Variants in CORIN observed in about 807,000 individuals in gnomAD.
CORIN encodes the protein atrial natriuretic peptide-converting enzyme.
A neutral mutation model predicts 125.3 loss-of-function variants in CORIN; 117 were observed. That is an observed-to-expected ratio of 0.93 (90% CI 0.80 to 1.09). The LOEUF is 1.09. Among genes scored for constraint, CORIN ranks in the 50% least tolerant of loss-of-function variants. The pLI, the probability that CORIN is intolerant of heterozygous loss-of-function variation, is 0.00. For missense variants in CORIN, 1,253 were observed against 1,306.7 expected (o/e 0.96, Z 0.63); for synonymous variants, 450 against 466.4 (o/e 0.96, Z 0.45).
chr4:47,692,154 G>GA (rs1482676155), intron 6 of CORIN, among the ~76,000 whole-genome samples: 1 of 152,162 alleles, frequency 6.6e-6, no homozygotes, highest in Non-Finnish European at 1.5e-5. Flanking sequence ...CATAAGGAGT[G>GA]AAACACAGCT....
chr4:47,786,784 T>C lies in CORIN; in HGVS notation c.350A>G (p.His117Arg). ...AGCATCCGTAGTCCAGGCTGGAACGTGTTGGTCGGGATGTGCAGTAGACAC... is the reference window on the plus strand; with the variant it reads ...AGCATCCGTAGTCCAGGCTGGAACGCGTTGGTCGGGATGTGCAGTAGACAC... ...TVVSTAHPDQ[H>R]VPAWTTDASL... The change falls in exon 3 of 22, where the codon CAC (histidine) becomes CGC (arginine). Residue 117 changes from histidine to arginine, a missense_variant. Transcript: ENST00000273857. 6.2e-7 allele frequency: 1 copy of C among 1,614,160 alleles called. No homozygotes were observed. Among genetic ancestry groups the C allele is most frequent in the Non-Finnish European group, 8.5e-7 (1 of 1,180,018 alleles).
intron 2 of CORIN, among the ~76,000 whole-genome samples, chr4:47,799,666 C>T (rs368468144): frequency 3.3e-5 from 5 of 152,160 alleles, no homozygotes; most frequent in East Asian, 3.9e-4. Flanking sequence ...CGTGGGAAAA[C>T]CCCCACTTCC....
At chr4:47,673,556 A>T (rs1471797935) in intron 10 of CORIN, among the ~76,000 whole-genome samples, 3 of 151,990 alleles carry the variant, frequency 2.0e-5, no homozygotes, top group Non-Finnish European at 4.4e-5. Flanking sequence ...GTCGCTGGGG[A>T]TTTTCTGATT....
Position 47,763,448 on chromosome 4 carries a change from CA to C in CORIN, c.547del (p.Cys183AlafsTer48), listed in dbSNP as rs768271477. The C allele has an allele frequency of 5.6e-6, 9 of 1,614,094 alleles. No homozygotes were observed. The Admixed American group carries it at 1.5e-4, about 27-fold the overall frequency. On this transcript the variant is annotated frameshift_variant, in exon 4 of 22. Coordinates refer to ENST00000273857, the MANE Select transcript of CORIN (RefSeq NM_006587.4). LOFTEE classifies it high-confidence loss of function. ...KFFTYLHRLS[C>X]YQHIMLFGCT... is the part of the protein sequence containing the mutation. ...GCCAAACAGCATGATATGTTGATAGCAACTGAGGCGATGGAGATATGTGAAA... is the reference window on the plus strand; with the variant it reads ...GCCAAACAGCATGATATGTTGATAGCACTGAGGCGATGGAGATATGTGAAA...
At chr4:47,629,767 G>A (rs1295751021) in intron 16 of CORIN, among the ~76,000 whole-genome samples, 3 of 152,022 alleles carry the variant, frequency 2.0e-5, no homozygotes, top group Non-Finnish European at 2.9e-5. Flanking sequence ...ACAGCTAACA[G>A]GTGTTAACTG....
intron 1 of CORIN, among the ~76,000 whole-genome samples, chr4:47,807,618 A>G (rs1394570821): frequency 2.0e-5 from 3 of 152,206 alleles, no homozygotes; most frequent in Non-Finnish European, 2.9e-5. Flanking sequence ...CTGATTGCCA[A>G]TTAAACGCTA....
chr4:47,802,918 G>A (rs1351950826), intron 2 of CORIN, among the ~76,000 whole-genome samples: 1 of 152,194 alleles, frequency 6.6e-6, no homozygotes, highest in Non-Finnish European at 1.5e-5. Context: ...CAGGGAGAGA[G>A]AGAGACTCTG....
Position 47,624,060 on chromosome 4 carries a change from C to T in CORIN, c.2316-112G>A, listed in dbSNP as rs187348367. On this transcript the variant is annotated intron_variant, in intron 17 of 21. Coordinates refer to ENST00000273857, the MANE Select transcript of CORIN (RefSeq NM_006587.4). ...CTCCAACTGTTACCACCAGAAATCA[C>T]ATTCTCTGAGCATTTCCTGTGTTAC... is the stretch of plus-strand genomic sequence containing the variant. The T allele has an allele frequency of 9.3e-6, 8 of 864,244 alleles. No individual in the cohort carries two copies. The African/African-American group carries it at 1.4e-4, about 15-fold the overall frequency. 53.5% of individuals were successfully genotyped at this position (864,244 alleles called of 1,614,324 possible).
intron 1 of CORIN, among the ~76,000 whole-genome samples, chr4:47,829,030 C>T (rs1440107355): frequency 2.6e-5 from 4 of 151,642 alleles, no homozygotes; most frequent in South Asian, 2.1e-4. Context: ...TGGTGGTGGG[C>T]GCCTGTAGTC....
At chr4:47,734,927 C>A (rs781629248) in intron 5 of CORIN, among the ~76,000 whole-genome samples, 2 of 152,090 alleles carry the variant, frequency 1.3e-5, no homozygotes, top group Non-Finnish European at 2.9e-5. Flanking sequence ...TAGTGAAGAA[C>A]CAATGCGTTA....
chr4:47,821,950 G>A lies in CORIN; in HGVS notation c.64-14903C>T, dbSNP rs187385992. Among the ~76,000 whole-genome samples the A allele has an allele frequency of 4.5e-3, 685 of 152,236 alleles. 5 individuals are homozygous for A. Among genetic ancestry groups the A allele is most frequent in the African/African-American group, 0.015 (613 of 41,556 alleles). ...GGAAACACAATTAAGAATTGTGGAT[G>A]TGAATTAAGGGATTATAAATAATCC... On this transcript the variant is annotated intron_variant, in intron 1 of 21. Coordinates refer to ENST00000273857, the MANE Select transcript of CORIN (RefSeq NM_006587.4).
At chr4:47,626,560 A>G in intron 16 of CORIN, 39 bp from the exon 17 acceptor site, 4 of 1,258,514 alleles carry the variant, frequency 3.2e-6, no homozygotes, top group Non-Finnish European at 4.7e-6. Context: ...TTCAAAGTAC[A>G]ATGATCTTTG....
Position 47,683,711 on chromosome 4 carries a change from G to T in CORIN, c.1021+20C>A. ...TCTATGATTTTAAATTAAAACCTTTGGGGAAACAATGCTACTTACCACAGT... is the reference window on the plus strand; with the variant it reads ...TCTATGATTTTAAATTAAAACCTTTTGGGAAACAATGCTACTTACCACAGT... On this transcript the variant is annotated intron_variant, in intron 7 of 21. Transcript: ENST00000273857. 6.5e-7 allele frequency: 1 copy of T among 1,542,678 alleles called. No homozygotes were observed. Among genetic ancestry groups the T allele is most frequent in the South Asian group, 1.2e-5 (1 of 86,538 alleles).
chr4:47,657,573 G>C (rs1214481500), intron 12 of CORIN, among the ~76,000 whole-genome samples: 1 of 151,228 alleles, frequency 6.6e-6, no homozygotes, highest in African/African-American at 2.4e-5. Context: ...ATACCTGATA[G>C]TGCATAATTT....
rs1470611668 is a variant in CORIN, at chr4:47,837,908, G to A, written c.42C>T (p.Arg14=). ...TTACCGGCTTTGGGGACCCGGCTCT[G>A]CGGCAGCGCTCTTCCGGAGCGAGGG... ...SPALAPEERC[R]RAGSPKPVLR... is the part of the protein sequence containing the mutation. Residue 14 remains arginine (R), a synonymous_variant, in exon 1 of 22, where the codon CGC becomes CGT. Transcript: ENST00000273857. 1.2e-6 allele frequency: 2 copies of A among 1,613,684 alleles called. No homozygotes were observed. The highest frequency in any genetic ancestry group is 2.2e-5 in the East Asian group (1 of 44,878).
chr4:47,756,123 G>A (rs943720807), intron 4 of CORIN, among the ~76,000 whole-genome samples: 2 of 152,182 alleles, frequency 1.3e-5, no homozygotes, highest in African/African-American at 4.8e-5. Context: ...CCCTATTGAG[G>A]GTGATCAGAG....
chr4:47,764,739 T>A (rs1043604207), intron 3 of CORIN, among the ~76,000 whole-genome samples: 1 of 152,222 alleles, frequency 6.6e-6, no homozygotes, highest in Non-Finnish European at 1.5e-5. Context: ...GTTCTTGAGA[T>A]AATTCTTAAT....
rs577059838 is a variant in CORIN, at chr4:47,675,371, T to C, written c.1250-871A>G. ...TATAATTCTAAGATGATGTTTATTA[T>C]ACTGAAATATTTATCCTTTCCAGTA... On this transcript the variant is annotated intron_variant, in intron 9 of 21. Coordinates refer to ENST00000273857, the MANE Select transcript of CORIN (RefSeq NM_006587.4). Among the ~76,000 whole-genome samples the C allele has an allele frequency of 1.2e-4, 19 of 152,346 alleles. 1 individual carries two copies. In the East Asian group the frequency reaches 3.7e-3, roughly 29 times the overall value.
intron 4 of CORIN, among the ~76,000 whole-genome samples, chr4:47,758,432 C>T (rs1729293158): frequency 6.6e-6 from 1 of 152,022 alleles, no homozygotes; most frequent in South Asian, 2.1e-4. Flanking sequence ...CAATGCAATT[C>T]CTATCAAAAT....
Sources: gnomAD v4.1 joint callset for allele counts (sites outside exome capture counted in the v4.1 genomes callset) on GRCh38, gnomAD v4.1.1 for gene constraint, MANE v1.5 for transcripts, NCBI Gene and HGNC (gene_info 2026-07-23, HGNC 2026-07-21) for gene names.